The following DCP1B variants were observed in gnomAD, a reference collection of about 807,000 sequenced individuals.
DCP1B encodes mRNA-decapping enzyme 1B.
In DCP1B, 47 loss-of-function variants were observed where a neutral mutation model predicts 60.5. The observed-to-expected ratio is 0.78, with a 90% CI of 0.61 to 0.99. The LOEUF (loss-of-function observed/expected upper bound fraction) is 0.99, where lower values mean the gene tolerates loss of function less well. Among genes scored for constraint, DCP1B ranks in the 50% least tolerant of loss-of-function variants. The pLI, the probability that DCP1B is intolerant of heterozygous loss-of-function variation, is 0.00. For missense variants in DCP1B, 725 were observed against 756.8 expected (o/e 0.96, Z 0.49); for synonymous variants, 267 against 280.3 (o/e 0.95, Z 0.47).
intron 3 of DCP1B, among the ~76,000 whole-genome samples, chr12:1,969,276 A>G (rs1182476590): frequency 6.6e-6 from 1 of 152,216 alleles, no homozygotes; most frequent in African/African-American, 2.4e-5. Flanking sequence ...TCATATATCA[A>G]AAGGTACAAG....
intron 5 of DCP1B, among the ~76,000 whole-genome samples, chr12:1,963,898 C>T (rs1270382304): frequency 6.6e-6 from 1 of 152,154 alleles, no homozygotes; most frequent in Non-Finnish European, 1.5e-5. Context: ...TGAACTAATT[C>T]TGATATTTCC....
intron 5 of DCP1B, among the ~76,000 whole-genome samples, chr12:1,964,707 C>G (rs1011982138): frequency 6.6e-6 from 1 of 152,148 alleles, no homozygotes; most frequent in Non-Finnish European, 1.5e-5. Flanking sequence ...AGATTATCAT[C>G]TTTATCATAT....
intron 2 of DCP1B, among the ~76,000 whole-genome samples, chr12:1,996,154 AC>A (rs1469493402): frequency 6.6e-6 from 1 of 152,116 alleles, no homozygotes; most frequent in Non-Finnish European, 1.5e-5. Flanking sequence ...TAATCTTCTC[AC>A]TGTCCTGACT....
In DCP1B at chr12:1,955,460, T is replaced by C. The variant is rs2154456716; in HGVS notation, c.623A>G (p.Gln208Arg). 2.5e-6 allele frequency: 4 copies of C among 1,613,868 alleles called. No homozygotes were observed. The highest frequency in any genetic ancestry group is 1.6e-4 in the Middle Eastern group (1 of 6,062). ...KPIPVKPSEN[Q>R]QQRIPQPNQT... Reference sequence around the variant, plus strand: ...GTTGGGCTGAGGTATACGCTGTTGCTGGTTTTCACTGGGTTTCACTGGAAT... The same window carrying C: ...GTTGGGCTGAGGTATACGCTGTTGCCGGTTTTCACTGGGTTTCACTGGAAT... The change falls in exon 6 of 9, where the codon CAG becomes CGG. Residue 208 changes from glutamine (Q) to arginine (R), a missense_variant. By Grantham distance (43) the Gln-to-Arg change is conservative. Coordinates refer to ENST00000280665, the MANE Select transcript of DCP1B (RefSeq NM_152640.5).
chr12:1,985,965 C>T (rs944498920), intron 3 of DCP1B, among the ~76,000 whole-genome samples: 1 of 152,158 alleles, frequency 6.6e-6, no homozygotes, highest in Non-Finnish European at 1.5e-5. Flanking sequence ...TGCCTGCCAC[C>T]ACACTTGGCT....
chr12:1,945,272 G>GA (rs1211460297), downstream of DCP1B, among the ~76,000 whole-genome samples: 1 of 152,182 alleles, frequency 6.6e-6, no homozygotes, highest in Non-Finnish European at 1.5e-5. Flanking sequence ...AAAAAGTCAG[G>GA]AAACAACAGA....
chr12:1,986,501 G>A (rs1463152819), intron 3 of DCP1B, among the ~76,000 whole-genome samples: 1 of 152,194 alleles, frequency 6.6e-6, no homozygotes, highest in Non-Finnish European at 1.5e-5. Context: ...GGCAGAGACA[G>A]GGTCTTTCTT....
In DCP1B at chr12:1,969,269, T is replaced by G. The variant is rs111667582; in HGVS notation, c.320-1359A>C. 4.5e-4 allele frequency among the ~76,000 whole-genome samples: 68 copies of G among 152,360 alleles called. 2 individuals are homozygous for G. Among genetic ancestry groups the G allele is most frequent in the African/African-American group, 1.6e-3 (67 of 41,588 alleles). On this transcript the variant is annotated intron_variant, in intron 3 of 8. Coordinates refer to ENST00000280665, the MANE Select transcript of DCP1B (RefSeq NM_152640.5). Reference sequence around the variant, plus strand: ...TCTGCTTCTTGTCAGTAATGATTCATATATCAAAAGGTACAAGAAATGTCT... The same window carrying G: ...TCTGCTTCTTGTCAGTAATGATTCAGATATCAAAAGGTACAAGAAATGTCT...
In DCP1B at chr12:1,952,669, C is replaced by A; in HGVS notation, c.1271G>T (p.Arg424Ile). 6.2e-7 allele frequency: 1 copy of A among 1,614,180 alleles called. No homozygotes were observed. Among genetic ancestry groups the A allele is most frequent in the Non-Finnish European group, 8.5e-7 (1 of 1,180,040 alleles). ...TTGTCTTGGGAGTGTGGACTGTTCT[C>A]TTCCATGAGCCTGATGTCCTACTGT... ...PQTVGHQAHG[R>I]EQSTLPRQTL... Residue 424 changes from arginine to isoleucine, a missense_variant, in exon 7 of 9, where the codon AGA becomes ATA. Physicochemically the swap from Arg to Ile is moderately conservative, Grantham distance 97 (BLOSUM62 -3). Transcript: ENST00000280665.
intron 1 of DCP1B, among the ~76,000 whole-genome samples, chr12:2,003,496 G>A (rs1301145385): frequency 6.6e-6 from 1 of 152,200 alleles, no homozygotes; most frequent in Non-Finnish European, 1.5e-5. Context: ...ATTCGAGTGG[G>A]TGGGTTACAA....
intron 6 of DCP1B, 133 bp downstream of exon 6, chr12:1,955,299 G>T: frequency 8.9e-7 from 1 of 1,124,408 alleles, no homozygotes; most frequent in Admixed American, 2.7e-5. Context: ...TCTGTATTCT[G>T]AAATCCCGCT....
At chr12:1,968,989 G>A (rs1312373542) in intron 3 of DCP1B, among the ~76,000 whole-genome samples, 1 of 152,060 alleles carries the variant, frequency 6.6e-6, no homozygotes, top group Non-Finnish European at 1.5e-5. Flanking sequence ...TCTAGTTGAG[G>A]ATCTGATGGC....
At chr12:1,982,317 T>C (rs1035970762) in intron 3 of DCP1B, among the ~76,000 whole-genome samples, 2 of 152,102 alleles carry the variant, frequency 1.3e-5, no homozygotes, top group Non-Finnish European at 1.5e-5. Context: ...GCTATCCATC[T>C]CCAGAACTTT....
intron 5 of DCP1B, among the ~76,000 whole-genome samples, chr12:1,964,525 C>T (rs964526546): frequency 6.6e-6 from 1 of 152,096 alleles, no homozygotes; most frequent in Non-Finnish European, 1.5e-5. Flanking sequence ...GAAATCCATA[C>T]AAATTTTCTT....
At chr12:1,941,700 G>C (rs139997055), downstream of DCP1B, among the ~76,000 whole-genome samples, 1,596 of 152,170 alleles carry the variant, frequency 0.01, 36 homozygotes, top group African/African-American at 0.036. Context: ...TGTTAATGTT[G>C]ATGGTATTCC....
intron 2 of DCP1B, 77 bp downstream of exon 2, chr12:1,997,858 C>T (rs1200781840): frequency 2.5e-6 from 3 of 1,206,414 alleles, no homozygotes; most frequent in Non-Finnish European, 3.6e-6. Flanking sequence ...ACTGCATGCA[C>T]TTGAAGAAGA....
chr12:1,995,044 G>A (rs2154475731), intron 2 of DCP1B, among the ~76,000 whole-genome samples: 1 of 152,040 alleles, frequency 6.6e-6, no homozygotes, highest in Admixed American at 6.5e-5. Context: ...AGTTAGATTT[G>A]GAGAAAAGAC....
intron 3 of DCP1B, 47 bp from the exon 4 acceptor site, chr12:1,967,957 C>T (rs1429012264): frequency 2.7e-6 from 4 of 1,496,602 alleles, no homozygotes; most frequent in Non-Finnish European, 2.7e-6. Context: ...TTCAAAACTA[C>T]AAAATAGAAA....
At chr12:1,993,151 AC>A (rs768665990) in intron 3 of DCP1B, 112 bp downstream of exon 3, 18 of 1,368,176 alleles carry the variant, frequency 1.3e-5, no homozygotes, top group Middle Eastern at 1.8e-4. Flanking sequence ...AAATGCTGAC[AC>A]CCCCCATAGC....
Sources: gnomAD v4.1 joint callset for allele counts (sites outside exome capture counted in the v4.1 genomes callset) on GRCh38, gnomAD v4.1.1 for gene constraint, MANE v1.5 for transcripts, NCBI Gene and HGNC (gene_info 2026-07-23, HGNC 2026-07-21) for gene names.